The following RFX7 variants were observed in gnomAD, a reference collection of about 807,000 sequenced individuals.
RFX7 encodes the protein DNA-binding protein RFX7.
RFX7 carries 26 observed loss-of-function variants against 111.8 expected under a neutral mutation model. That is an observed-to-expected ratio of 0.23 (90% confidence interval 0.17 to 0.32). The LOEUF (loss-of-function observed/expected upper bound fraction) is 0.32, where lower values mean the gene tolerates loss of function less well. Among genes scored for constraint, RFX7 ranks in the 10% least tolerant of loss-of-function variants. The pLI is 1.00. For missense variants in RFX7, 1,573 were observed against 1,772.9 expected, an observed-to-expected ratio of 0.89 and a Z score of 2.02; for synonymous variants, 624 against 624.4, an observed-to-expected ratio of 1.00 and a Z score of 0.01.
At chr15:56,183,897 GCAACTTA>G (rs2043004349) in intron 2 of RFX7, among the ~76,000 whole-genome samples, 1 of 152,090 alleles carries the variant, frequency 6.6e-6, no homozygotes. Context: ...AGAGTACAAG[GCAACTTA>G]CAGATGGTAT....
At chr15:56,104,853 G>A (rs576901947) in intron 5 of RFX7, among the ~76,000 whole-genome samples, 1 of 152,210 alleles carries the variant, frequency 6.6e-6, no homozygotes, top group East Asian at 1.9e-4. Context: ...ACAATGCTAC[G>A]AGCAGAAAGG....
intron 7 of RFX7, 38 bp downstream of exon 7, chr15:56,102,131 C>A (rs1164818396): frequency 2.1e-6 from 3 of 1,439,544 alleles, no homozygotes; most frequent in South Asian, 2.4e-5. Flanking sequence ...TATAAAGGTA[C>A]AATTTTACTT....
At chr15:56,103,745 T>G (rs1429934051) in intron 5 of RFX7, 75 bp from the exon 6 acceptor site, 2 of 845,294 alleles carry the variant, frequency 2.4e-6, no homozygotes, top group African/African-American at 3.4e-5. Context: ...TCAATACAAT[T>G]TGATCCTTCT....
intron 9 of RFX7, 126 bp downstream of exon 9, chr15:56,097,955 C>T (rs1160205662): frequency 1.4e-6 from 1 of 737,228 alleles, no homozygotes; most frequent in Non-Finnish European, 2.2e-6. Flanking sequence ...GGGAATGAAT[C>T]TTCCTGTGGT....
chr15:56,176,983 C>T (rs61387999), intron 3 of RFX7, among the ~76,000 whole-genome samples: 5,075 of 151,976 alleles, frequency 0.033, 322 homozygotes, highest in African/African-American at 0.12. Context: ...ATAAAATCCT[C>T]TCATCAGCTT....
Position 56,192,747 on chromosome 15 carries a change from T to G in RFX7, c.162-13444A>C, listed in dbSNP as rs192271268. On this transcript the variant is annotated intron_variant, in intron 2 of 9. Transcript: ENST00000559447. Reference sequence around the variant, plus strand: ...GGTGGTCACTGGTGTTTTAAAGACCTCTACAAATTTCATCAGGGGCACTGG... The same window carrying G: ...GGTGGTCACTGGTGTTTTAAAGACCGCTACAAATTTCATCAGGGGCACTGG... The G allele has an allele frequency of 1.3e-5, 3 of 222,434 alleles. No homozygotes were observed. In the East Asian group the frequency reaches 3.3e-4, roughly 24 times the overall value. The allele number at this position is 222,434 out of a possible 1,614,324, so 13.8% of individuals were successfully genotyped here.
At chr15:56,211,259 C>T (rs1415915968) in intron 2 of RFX7, among the ~76,000 whole-genome samples, 1 of 151,898 alleles carries the variant, frequency 6.6e-6, no homozygotes, top group Non-Finnish European at 1.5e-5. Flanking sequence ...GAAATATAGC[C>T]AACTGATCTT....
At chr15:56,139,497 T>C (rs2042357101) in intron 5 of RFX7, among the ~76,000 whole-genome samples, 2 of 152,158 alleles carry the variant, frequency 1.3e-5, no homozygotes, top group Admixed American at 1.3e-4. Context: ...CTGTATTGGT[T>C]ATTCTAGTTA....
intron 2 of RFX7, among the ~76,000 whole-genome samples, chr15:56,181,971 G>C (rs1178520676): frequency 6.6e-6 from 1 of 152,026 alleles, no homozygotes; most frequent in East Asian, 1.9e-4. Flanking sequence ...ATTGTGAACT[G>C]TGCATGTGAG....
intron 2 of RFX7, among the ~76,000 whole-genome samples, chr15:56,235,218 G>A (rs2043609876): frequency 6.6e-6 from 1 of 151,634 alleles, no homozygotes; most frequent in Admixed American, 6.6e-5. Context: ...CTGTCGCCCA[G>A]GCCGGAGTGC....
intron 2 of RFX7, among the ~76,000 whole-genome samples, chr15:56,181,776 A>ATATATATC: frequency 6.6e-6 from 1 of 151,928 alleles, no homozygotes; most frequent in Non-Finnish European, 1.5e-5. Context: ...TATCACAAAC[A>ATATATATC]ACTTGGTAAA....
chr15:56,212,328 T>A (rs1054091315), intron 2 of RFX7, among the ~76,000 whole-genome samples: 2 of 152,042 alleles, frequency 1.3e-5, no homozygotes, highest in Non-Finnish European at 2.9e-5. Context: ...AGTACAAAGA[T>A]CAGTGGTTGC....
intron 3 of RFX7, among the ~76,000 whole-genome samples, chr15:56,153,534 A>G (rs1378818278): frequency 2.0e-5 from 3 of 152,192 alleles, no homozygotes; most frequent in Admixed American, 6.5e-5. Flanking sequence ...AAAAGAACCA[A>G]TGACAACAAC....
intron 2 of RFX7, among the ~76,000 whole-genome samples, chr15:56,190,488 A>G (rs1437705784): frequency 2.6e-5 from 4 of 152,220 alleles, no homozygotes; most frequent in Non-Finnish European, 5.9e-5. Flanking sequence ...TGGTCATTCT[A>G]TCTTCAGAAC....
At chr15:56,103,519 A>G in intron 6 of RFX7, 35 bp downstream of exon 6, 1 of 1,324,820 alleles carries the variant, frequency 7.5e-7, no homozygotes, top group Non-Finnish European at 1.1e-6. Flanking sequence ...GTGAGAACAC[A>G]GAGATATTAC....
In RFX7 at chr15:56,215,956, T is replaced by C. The variant is rs565495730; in HGVS notation, c.161+27169A>G. ...TCATCACAAGAGCCTCTCTGTGGGC[T>C]TCTTACCTCATGATGTGGTGGCTGC... On this transcript the variant is annotated intron_variant, in intron 2 of 9. Transcript: ENST00000559447. Among the ~76,000 whole-genome samples the C allele has an allele frequency of 2.0e-5, 3 of 152,292 alleles. No homozygotes were observed. In the South Asian group the frequency reaches 6.2e-4, roughly 32 times the overall value.
intron 5 of RFX7, among the ~76,000 whole-genome samples, chr15:56,125,053 G>C (rs1041765276): frequency 6.6e-6 from 1 of 152,144 alleles, no homozygotes; most frequent in East Asian, 1.9e-4. Flanking sequence ...TGGGAGTTTA[G>C]TTTTATTCTT....
chr15:56,159,147 G>A (rs1186316374), intron 3 of RFX7, among the ~76,000 whole-genome samples: 1 of 152,160 alleles, frequency 6.6e-6, no homozygotes, highest in East Asian at 1.9e-4. Context: ...TTCTAGGTTA[G>A]TCCATGTTGT....
At chr15:56,148,557 C>A (rs1442831045) in intron 3 of RFX7, among the ~76,000 whole-genome samples, 1 of 152,150 alleles carries the variant, frequency 6.6e-6, no homozygotes, top group Non-Finnish European at 1.5e-5. Context: ...CCACGCAACC[C>A]CCTTCCCTTC....
Sources: allele counts gnomAD v4.1 joint callset (sites outside exome capture counted in the v4.1 genomes callset), GRCh38; gene constraint gnomAD v4.1.1; transcripts MANE v1.5; gene names NCBI Gene and HGNC (gene_info 2026-07-23, HGNC 2026-07-21).